The following LRRC4C variants were observed in gnomAD, a reference collection of about 807,000 sequenced individuals.
LRRC4C encodes the protein leucine-rich repeat-containing protein 4C.
In LRRC4C, 5 loss-of-function variants were observed where a neutral mutation model predicts 33.6. The observed-to-expected ratio is 0.15, with a 90% confidence interval of 0.08 to 0.31. The LOEUF (loss-of-function observed/expected upper bound fraction) is 0.31, where lower values mean the gene tolerates loss of function less well. LRRC4C is among the 10% of genes least tolerant of loss of function. The probability of loss-of-function intolerance (pLI) is 1.00; values close to 1 mark genes in which losing one functional copy is unlikely to be tolerated. For missense variants in LRRC4C, 560 were observed against 796.7 expected (o/e 0.70, Z 3.58); for synonymous variants, 329 against 302.0 (o/e 1.09, Z -0.93).
chr11:40,630,421 C>T (rs777806103), intron 3 of LRRC4C, among the ~76,000 whole-genome samples: 909 of 79,566 alleles, frequency 0.011, 16 homozygotes, highest in Admixed American at 0.02. Context: ...TCTTCTTCTT[C>T]TTTTTTTTTT....
At chr11:41,348,849 C>A (rs74745123) in intron 1 of LRRC4C, among the ~76,000 whole-genome samples, 1,818 of 152,200 alleles carry the variant, frequency 0.012, 42 homozygotes, top group African/African-American at 0.042. Flanking sequence ...GACTGGACAA[C>A]CCCCACATAC....
chr11:40,368,539 A>C (rs1311656657), intron 3 of LRRC4C, among the ~76,000 whole-genome samples: 1 of 152,170 alleles, frequency 6.6e-6, no homozygotes. Flanking sequence ...AAACAGCTCA[A>C]TTCCTAAGGG....
intron 1 of LRRC4C, among the ~76,000 whole-genome samples, chr11:41,038,623 G>A (rs761846082): frequency 2.0e-5 from 3 of 152,132 alleles, no homozygotes; most frequent in Admixed American, 6.5e-5. Flanking sequence ...TAAGGAAACC[G>A]TTGGCAATTC....
chr11:40,915,891 T>A (rs1454915682), intron 2 of LRRC4C, among the ~76,000 whole-genome samples: 4 of 152,074 alleles, frequency 2.6e-5, no homozygotes, highest in Non-Finnish European at 5.9e-5. Flanking sequence ...GTGAAGGATA[T>A]GAACAGACAC....
At chr11:41,047,173 T>C (rs1422356075) in intron 1 of LRRC4C, among the ~76,000 whole-genome samples, 2 of 151,914 alleles carry the variant, frequency 1.3e-5, no homozygotes, top group Non-Finnish European at 2.9e-5. Flanking sequence ...AACTCAACAG[T>C]AAAAAGACAT....
At chr11:41,311,314 T>G (rs1330436384) in intron 1 of LRRC4C, among the ~76,000 whole-genome samples, 1 of 152,178 alleles carries the variant, frequency 6.6e-6, no homozygotes, top group Admixed American at 6.5e-5. Context: ...TTTAGATTTA[T>G]TTTCTATATG....
In LRRC4C at chr11:41,179,792, A is replaced by G. The variant is rs555520787; in HGVS notation, c.-495-246069T>C. On this transcript the variant is annotated intron_variant, in intron 1 of 6. Transcript: ENST00000528697. The stretch of plus-strand genomic sequence containing the variant: ...TTTTGACATTAATTGGCTTTATAGC[A>G]TAGATACCAGCCATTCATGTACTGA... 4.1e-4 allele frequency among the ~76,000 whole-genome samples: 63 copies of G among 152,356 alleles called. No individual in the cohort carries two copies. In the South Asian group the frequency reaches 0.013, roughly 31 times the overall value.
intron 3 of LRRC4C, among the ~76,000 whole-genome samples, chr11:40,354,153 G>A (rs558255776): frequency 2.0e-4 from 30 of 152,282 alleles, no homozygotes; most frequent in African/African-American, 7.0e-4. Context: ...AGATCCATGA[G>A]AATTCCCTGA....
chr11:40,870,932 C>A (rs1434751465), intron 2 of LRRC4C, among the ~76,000 whole-genome samples: 1 of 152,152 alleles, frequency 6.6e-6, no homozygotes, highest in African/African-American at 2.4e-5. Flanking sequence ...TCGCTGAATT[C>A]TTTTTCTCAG....
chr11:41,110,869 C>T (rs1941788451), intron 1 of LRRC4C, among the ~76,000 whole-genome samples: 1 of 151,944 alleles, frequency 6.6e-6, no homozygotes, highest in South Asian at 2.1e-4. Context: ...TCCAGTGGTT[C>T]TAAGCTGTAA....
chr11:40,550,791 C>A (rs1208166507), intron 3 of LRRC4C, among the ~76,000 whole-genome samples: 1 of 140,180 alleles, frequency 7.1e-6, no homozygotes, highest in African/African-American at 2.9e-5. Context: ...GCTGAGGGAA[C>A]CTCTAAATTT....
At chr11:40,510,122 C>T (rs771261887) in intron 3 of LRRC4C, among the ~76,000 whole-genome samples, 6 of 151,010 alleles carry the variant, frequency 4.0e-5, no homozygotes, top group Non-Finnish European at 5.9e-5. Context: ...GACAAAAGCT[C>T]GAAATAAGTG....
chr11:41,119,017 T>C (rs1942287057), intron 1 of LRRC4C, among the ~76,000 whole-genome samples: 1 of 152,138 alleles, frequency 6.6e-6, no homozygotes, highest in African/African-American at 2.4e-5. Flanking sequence ...AACAATACTA[T>C]AGGTGATTAA....
At chr11:40,743,020 G>T (rs974525998) in intron 2 of LRRC4C, among the ~76,000 whole-genome samples, 11 of 151,944 alleles carry the variant, frequency 7.2e-5, no homozygotes, top group Non-Finnish European at 1.3e-4. Context: ...ACTTGGGAAA[G>T]GTAGAAAAGG....
chr11:40,677,247 A>G (rs572052602), intron 2 of LRRC4C, among the ~76,000 whole-genome samples: 12 of 152,114 alleles, frequency 7.9e-5, no homozygotes, highest in African/African-American at 2.9e-4. Context: ...TTAGCCGCGC[A>G]TGGTGGCAGA....
intron 1 of LRRC4C, among the ~76,000 whole-genome samples, chr11:41,194,186 T>C (rs1330012437): frequency 6.6e-6 from 1 of 152,110 alleles, no homozygotes; most frequent in African/African-American, 2.4e-5. Flanking sequence ...ATACAGCATA[T>C]AGTACTATAA....
chr11:41,223,426 T>A (rs1378492877), intron 1 of LRRC4C, among the ~76,000 whole-genome samples: 1 of 152,190 alleles, frequency 6.6e-6, no homozygotes, highest in Non-Finnish European at 1.5e-5. Context: ...TCTTAGTGGC[T>A]ATAGTTTTCT....
chr11:41,282,796 A>T (rs1949714480), intron 1 of LRRC4C, among the ~76,000 whole-genome samples: 1 of 152,174 alleles, frequency 6.6e-6, no homozygotes, highest in African/African-American at 2.4e-5. Flanking sequence ...AGGCCTCCAT[A>T]GGAGCCAACC....
At chr11:40,294,811 G>C (rs767156136) in intron 4 of LRRC4C, among the ~76,000 whole-genome samples, 2 of 151,930 alleles carry the variant, frequency 1.3e-5, no homozygotes, top group African/African-American at 4.8e-5. Context: ...TGGGAGACAA[G>C]AGCAAGACTC....
Sources: allele counts gnomAD v4.1 joint callset (sites outside exome capture counted in the v4.1 genomes callset), GRCh38; gene constraint gnomAD v4.1.1; transcripts MANE v1.5; gene names NCBI Gene and HGNC (gene_info 2026-07-23, HGNC 2026-07-21).